The following HERC6 variants were observed in gnomAD, a reference collection of about 807,000 sequenced individuals.
The protein encoded by HERC6 is probable E3 ubiquitin-protein ligase HERC6.
Under a neutral mutation model 114.5 loss-of-function variants are expected in HERC6, and 101 were observed. The ratio of observed to expected loss-of-function variants is 0.88; its 90% CI spans 0.75 to 1.04. HERC6 has a LOEUF of 1.04. HERC6 is among the 50% of genes least tolerant of loss of function. The probability of loss-of-function intolerance (pLI) is 0.00; values close to 1 mark genes in which losing one functional copy is unlikely to be tolerated. For synonymous variants in HERC6, 408 were observed against 436.2 expected (o/e 0.94, Z 0.81); for missense variants, 1,133 against 1,230.9 (o/e 0.92, Z 1.19).
At chr4:88,400,940 A>AG (rs1304446020) in intron 8 of HERC6, among the ~76,000 whole-genome samples, 1 of 152,114 alleles carries the variant, frequency 6.6e-6, no homozygotes, top group Admixed American at 6.5e-5. Flanking sequence ...CCCATGGATA[A>AG]GGGGGGACTG....
intron 11 of HERC6, among the ~76,000 whole-genome samples, chr4:88,411,846 G>A (rs1286463175): frequency 6.6e-6 from 1 of 152,182 alleles, no homozygotes; most frequent in Non-Finnish European, 1.5e-5. Context: ...AAGTGAGTAT[G>A]GAAGTTCCCA....
In HERC6 at chr4:88,413,103, G is replaced by T; in HGVS notation, c.1395G>T (p.Leu465=). Residue 465 remains leucine (L), a synonymous_variant, in exon 12 of 23, where the codon CTG becomes CTT. Coordinates refer to ENST00000264346, the MANE Select transcript of HERC6 (RefSeq NM_017912.4). ...SMITTCLEDD[L]LRALPCHSPH... is the part of the protein sequence containing the mutation. ...TAACTACGTGTCTCGAGGATGATCT[G>T]CTCAGAGCTCTTCCATGCCATTCTC... 6.2e-7 allele frequency: 1 copy of T among 1,612,380 alleles called. No homozygotes were observed. Among genetic ancestry groups the T allele is most frequent in the Non-Finnish European group, 8.5e-7 (1 of 1,179,160 alleles).
chr4:88,399,785 A>C (rs1735439721), intron 8 of HERC6: 1 of 152,126 alleles, frequency 6.6e-6, no homozygotes, highest in African/African-American at 2.4e-5. Flanking sequence ...AAAAAAAAAA[A>C]ATTGTATTAG....
At chr4:88,391,409 A>G (rs1734911778) in intron 4 of HERC6, among the ~76,000 whole-genome samples, 2 of 152,216 alleles carry the variant, frequency 1.3e-5, no homozygotes, top group Admixed American at 6.5e-5. Context: ...CAACTGATTA[A>G]CAACTTTAGT....
intron 13 of HERC6, among the ~76,000 whole-genome samples, chr4:88,419,523 C>CT (rs548906531): frequency 1.4e-3 from 220 of 152,182 alleles, no homozygotes; most frequent in Non-Finnish European, 2.2e-3. Flanking sequence ...GCACTAATGT[C>CT]TAAGGCACCT....
At chr4:88,415,431 C>T (rs901970276) in intron 12 of HERC6, among the ~76,000 whole-genome samples, 5 of 152,156 alleles carry the variant, frequency 3.3e-5, no homozygotes, top group Non-Finnish European at 7.3e-5. Flanking sequence ...AATGACCCTC[C>T]ACAGAGTCAA....
rs2149051977 is a variant in HERC6, at chr4:88,442,863, T to C, written c.*403T>C. The C allele has an allele frequency of 4.9e-6, 1 of 205,860 alleles. No individual in the cohort carries two copies. Among genetic ancestry groups the C allele is most frequent in the South Asian group, 1.0e-4 (1 of 9,738 alleles). 12.8% of individuals were successfully genotyped at this position (205,860 alleles called of 1,614,324 possible). ...TGCATAAGGAGTCAAACCACACCAG[T>C]CTTGGATTGGCTGTGAGCCAATTCA... On this transcript the variant is annotated 3_prime_UTR_variant, in exon 23 of 23. Coordinates refer to ENST00000264346, the MANE Select transcript of HERC6 (RefSeq NM_017912.4).
chr4:88,394,689 C>T (rs1025346474), intron 5 of HERC6, among the ~76,000 whole-genome samples: 14 of 151,260 alleles, frequency 9.3e-5, no homozygotes, highest in East Asian at 2.0e-4. Flanking sequence ...GGATTACAGG[C>T]GTGTGCCACC....
chr4:88,390,177 CAAAAAAAAAAAAA>C (rs1156777502), intron 3 of HERC6, among the ~76,000 whole-genome samples: 14 of 48,644 alleles, frequency 2.9e-4, no homozygotes, highest in African/African-American at 9.8e-4. Context: ...AACTCTGTAT[CAAAAAAAAAAAAA>C]AAAAAAAAAA....
In HERC6 at chr4:88,427,621, A is replaced by C. The variant is rs369324737; in HGVS notation, c.1936-959A>C. Among the ~76,000 whole-genome samples, 61 of 152,308 alleles carry C rather than the reference A, an allele frequency of 4.0e-4. 1 individual carries two copies. Among genetic ancestry groups the C allele is most frequent in the African/African-American group, 1.3e-3 (56 of 41,580 alleles). On this transcript the variant is annotated intron_variant, in intron 15 of 22. Coordinates refer to ENST00000264346, the MANE Select transcript of HERC6 (RefSeq NM_017912.4). ...TAGTATATAATGGTGGCAGATACCCAGGGCAGGGATTTCCCAACCCCAGGG... is the reference window on the plus strand; with the variant it reads ...TAGTATATAATGGTGGCAGATACCCCGGGCAGGGATTTCCCAACCCCAGGG...
intron 9 of HERC6, 88 bp from the exon 10 acceptor site, chr4:88,405,466 C>A: frequency 1.7e-6 from 1 of 596,294 alleles, no homozygotes; most frequent in Non-Finnish European, 2.8e-6. Flanking sequence ...TATTCCACGT[C>A]ATCATTTACT....
chr4:88,386,450 C>T (rs1223343550), intron 3 of HERC6, among the ~76,000 whole-genome samples: 1 of 152,102 alleles, frequency 6.6e-6, no homozygotes, highest in African/African-American at 2.4e-5. Flanking sequence ...AAGTGATCCA[C>T]CTGCCTTGGT....
At chr4:88,412,985 G>A in intron 11 of HERC6, 92 bp from the exon 12 acceptor site, 2 of 867,090 alleles carry the variant, frequency 2.3e-6, no homozygotes, top group Non-Finnish European at 3.6e-6. Context: ...GGAACATGGT[G>A]GAGTGAAACC....
chr4:88,423,626 T>G (rs767686869), intron 13 of HERC6, among the ~76,000 whole-genome samples: 10 of 152,206 alleles, frequency 6.6e-5, no homozygotes, highest in Non-Finnish European at 1.5e-4. Flanking sequence ...AAAATTAGTT[T>G]ACTAATCCAC....
intron 15 of HERC6, 64 bp from the exon 16 acceptor site, chr4:88,428,516 A>G: frequency 1.6e-6 from 2 of 1,280,908 alleles, no homozygotes; most frequent in Non-Finnish European, 2.1e-6. Flanking sequence ...TGGAAGTATT[A>G]AACAATCCTT....
intron 11 of HERC6, among the ~76,000 whole-genome samples, chr4:88,409,339 G>A (rs1357179210): frequency 6.6e-6 from 1 of 152,180 alleles, no homozygotes; most frequent in Non-Finnish European, 1.5e-5. Flanking sequence ...GCCAACCTGT[G>A]AGGCTGGAAG....
chr4:88,383,224 C>A lies in HERC6; in HGVS notation c.203C>A (p.Pro68Gln). The A allele has an allele frequency of 6.2e-7, 1 of 1,609,850 alleles. No individual in the cohort carries two copies. The highest frequency in any genetic ancestry group is 8.5e-7 in the Non-Finnish European group (1 of 1,178,128). ...TGTTTTGTTTTGTTTCCCAAAGAACCAATTCAGGCATTGGAAACCCTAATT... is the reference window on the plus strand; with the variant it reads ...TGTTTTGTTTTGTTTCCCAAAGAACAAATTCAGGCATTGGAAACCCTAATT... ...RGAQRGELPE[P>Q]IQALETLIVD... The change falls in exon 2 of 23, where the codon CCA becomes CAA. Residue 68 changes from proline to glutamine, a missense_variant. By Grantham distance (76) the Pro-to-Gln change is moderately conservative. This residue lies in a region of HERC6 where 735 missense variants were observed against 754.0 expected (regional missense o/e 0.97). Coordinates refer to ENST00000264346, the MANE Select transcript of HERC6 (RefSeq NM_017912.4).
At chr4:88,405,238 C>A (rs561569350) in intron 9 of HERC6, among the ~76,000 whole-genome samples, 27 of 152,298 alleles carry the variant, frequency 1.8e-4, no homozygotes, top group South Asian at 1.2e-3. Flanking sequence ...CAAAAAAGCT[C>A]ACAAAGCCTT....
chr4:88,426,978 A>G (rs1737703839), intron 15 of HERC6, among the ~76,000 whole-genome samples: 1 of 152,154 alleles, frequency 6.6e-6, no homozygotes, highest in Non-Finnish European at 1.5e-5. Flanking sequence ...ATTTTCTCCT[A>G]TAGTCATGTT....
Sources: allele counts gnomAD v4.1 joint callset (sites outside exome capture counted in the v4.1 genomes callset), GRCh38; gene constraint gnomAD v4.1.1; regional missense constraint gnomAD v4.1.1; transcripts MANE v1.5; gene names NCBI Gene and HGNC (gene_info 2026-07-23, HGNC 2026-07-21).